The following NAPRT variants were observed in gnomAD, a reference collection of about 807,000 sequenced individuals.
NAPRT encodes FHA-HIT-interacting protein.
Under a neutral mutation model 60.7 loss-of-function variants are expected in NAPRT, and 66 were observed. The observed-to-expected ratio is 1.09, with a 90% CI of 0.89 to 1.33. The LOEUF (loss-of-function observed/expected upper bound fraction) is 1.33, where lower values mean the gene tolerates loss of function less well. Ranked by LOEUF, NAPRT falls within the 40% of genes most tolerant of loss-of-function variation. The pLI is 0.00. For missense variants in NAPRT, 818 were observed against 731.5 expected (o/e 1.12, Z -1.36); for synonymous variants, 405 against 335.7 (o/e 1.21, Z -2.26).
chr8:143,576,315 G>A, intron 7 of NAPRT, 117 bp downstream of exon 7: 1 of 1,444,592 alleles, frequency 6.9e-7, no homozygotes, highest in African/African-American at 1.4e-5. Context: ...TTACTTCCCT[G>A]CCACGGCCTG....
chr8:143,577,474 C>T, intron 3 of NAPRT, 75 bp from the exon 4 acceptor site: 1 of 1,514,490 alleles, frequency 6.6e-7, no homozygotes, highest in Non-Finnish European at 8.9e-7. Context: ...TACCTGGGGC[C>T]TGGAACTTCC....
rs1276757993 is a variant in NAPRT, at chr8:143,577,251, C to A, written c.568+18G>T. 1.2e-6 allele frequency: 2 copies of A among 1,607,930 alleles called. No homozygotes were observed. The highest frequency in any genetic ancestry group is 1.7e-5 in the Admixed American group (1 of 59,696). Reference sequence around the variant, plus strand: ...TCCTCCTTCCCGGCCCTTGCCTTGCCCCGCACCAGACACTCACCGCCCAGG... The same window carrying A: ...TCCTCCTTCCCGGCCCTTGCCTTGCACCGCACCAGACACTCACCGCCCAGG... On this transcript the variant is annotated intron_variant, in intron 4 of 12. Coordinates refer to ENST00000449291, the MANE Select transcript of NAPRT (RefSeq NM_145201.6).
rs1291114278 is a variant in NAPRT at position 143,576,498 on chromosome 8, A to G, written c.956T>C (p.Leu319Pro). The G allele has an allele frequency of 6.2e-7, 1 of 1,612,590 alleles. No individual in the cohort carries two copies. The highest frequency in any genetic ancestry group is 8.5e-7 in the Non-Finnish European group (1 of 1,179,784). Residue 319 changes from leucine (L) to proline (P), a missense_variant, in exon 7 of 13, where the codon CTG (leucine) becomes CCG (proline). Transcript: ENST00000449291. ...CTGCTGTAGCAGGTCACCACTGTCCAGCCTCACGCCCACTGCCCGGTAGCC... is the reference window on the plus strand; with the variant it reads ...CTGCTGTAGCAGGTCACCACTGTCCGGCCTCACGCCCACTGCCCGGTAGCC... The part of the protein sequence containing the change: ...ELGYRAVGVR[L>P]DSGDLLQQAQ...
chr8:143,573,237 C>T (rs772772167), downstream of NAPRT, among the ~76,000 whole-genome samples: 8 of 152,130 alleles, frequency 5.3e-5, no homozygotes, highest in South Asian at 4.1e-4. Flanking sequence ...CTCTGTCAGA[C>T]ACCTTGCAAC....
rs752827100 is a variant in NAPRT, at chr8:143,578,115, G to A, written c.204C>T (p.Arg68=). ...TACCGGCGTCCCGCAGGCGGAAGGC[G>A]CGCAGGAAGCGCACACAGTCGCGCA... The part of the protein sequence containing the change: ...AGLRDCVRFL[R]AFRLRDADVQ... The change falls in exon 1 of 13, where the codon CGC becomes CGT. Residue 68 remains arginine (R), a synonymous_variant. Transcript: ENST00000449291. 3.9e-6 allele frequency: 6 copies of A among 1,521,868 alleles called. No individual in the cohort carries two copies. The highest frequency in any genetic ancestry group is 4.4e-6 in the Non-Finnish European group (5 of 1,141,568). 94.3% of individuals were successfully genotyped at this position (1,521,868 alleles called of 1,614,324 possible).
Position 143,576,155 on chromosome 8 carries a change from C to G in NAPRT, c.1030G>C (p.Val344Leu), listed in dbSNP as rs760433426. The G allele has an allele frequency of 6.3e-7, 1 of 1,597,506 alleles. No homozygotes were observed. The highest frequency in any genetic ancestry group is 8.5e-7 in the Non-Finnish European group (1 of 1,169,882). The change falls in exon 8 of 13, where the codon GTG becomes CTG. Residue 344 changes from valine to leucine, a missense_variant. By Grantham distance (32) the Val-to-Leu change is conservative (BLOSUM62 1). Coordinates refer to ENST00000449291, the MANE Select transcript of NAPRT (RefSeq NM_145201.6). Reference protein sequence around the residue: ...VFRAAAAQFQVPWLESVLIVV... With the variant: ...VFRAAAAQFQLPWLESVLIVV... Reference sequence around the variant, plus strand: ...ATGAGGACTGACTCCAGCCAGGGCACCTGGAACCTGCCGCGTGGGTGGAGA... The same window carrying G: ...ATGAGGACTGACTCCAGCCAGGGCAGCTGGAACCTGCCGCGTGGGTGGAGA...
rs373234505 is a variant in NAPRT at position 143,575,799 on chromosome 8, TGGG to T, written c.1108-100_1108-98del. 4.7e-3 allele frequency: 1,207 copies of T among 255,870 alleles called. 53 individuals carry two copies. Among genetic ancestry groups the T allele is most frequent in the South Asian group, 0.02 (453 of 22,984 alleles). 15.8% of individuals were successfully genotyped at this position (255,870 alleles called of 1,614,324 possible). A position where few individuals can be genotyped will look rare whatever the true frequency, so the allele number is the denominator to read the frequency against. The stretch of plus-strand genomic sequence containing the variant: ...GGGAAGGAGGTGGCACTGCCCTGGG[TGGG>T]GAAGGGGGTGGCAGTGCCCTGGGTG... On this transcript the variant is annotated intron_variant, in intron 8 of 12. Coordinates refer to ENST00000449291, the MANE Select transcript of NAPRT (RefSeq NM_145201.6).
chr8:143,575,677 A>T lies in NAPRT; in HGVS notation c.1133T>A (p.Ile378Asn). ...GGGGCAGGTGACCACACTGGTGCCA[A>T]TGCCAATGACATTCACCTCACTGCC... is the stretch of plus-strand genomic sequence containing the variant. ...QEGSEVNVIG[I>N]GTSVVTCPQQ... The change falls in exon 9 of 13, where the codon ATT (isoleucine) becomes AAT (asparagine). Residue 378 changes from isoleucine to asparagine, a missense_variant. Transcript: ENST00000449291. 1 of 1,593,000 alleles carries T rather than the reference A, an allele frequency of 6.3e-7. No individual in the cohort carries two copies. Among genetic ancestry groups the T allele is most frequent in the Non-Finnish European group, 8.5e-7 (1 of 1,170,744 alleles).
In NAPRT at chr8:143,575,700, G is replaced by A; in HGVS notation, c.1110C>T (p.Gly370=). 1 of 1,576,574 alleles carries A rather than the reference G, an allele frequency of 6.3e-7. No individual in the cohort carries two copies. The highest frequency in any genetic ancestry group is 8.6e-7 in the Non-Finnish European group (1 of 1,161,772). ...CAATGCCAATGACATTCACCTCACTGCCCTGGGTGGGGAAGGGGGTGGCCG... is the reference window on the plus strand; with the variant it reads ...CAATGCCAATGACATTCACCTCACTACCCTGGGTGGGGAAGGGGGTGGCCG... The part of the protein sequence containing the change: ...EEALARLAQE[G]SEVNVIGIGT... Residue 370 remains glycine (G), a splice_region_variant and synonymous_variant, in exon 9 of 13, where the codon GGC becomes GGT. Coordinates refer to ENST00000449291, the MANE Select transcript of NAPRT (RefSeq NM_145201.6).
intron 1 of NAPRT, 39 bp downstream of exon 1, chr8:143,578,054 G>A (rs1824631161): frequency 1.3e-6 from 2 of 1,490,956 alleles, no homozygotes; most frequent in South Asian, 1.3e-5. Context: ...GGGGGTTTCT[G>A]CCGGGCGTGG....
rs764965103 is a variant in NAPRT, at chr8:143,574,850, C to A, written c.1605G>T (p.Gly535=). ...CCCGCTCCGAGTCTCAGGGGGACTG[C>A]CCCGCACACAGACTGTTCACCAGGG... The part of the protein sequence containing the change: ...LQALVNSLCA[G]QSP Residue 535 remains glycine (G), a synonymous_variant, in exon 13 of 13, where the codon GGG becomes GGT. Transcript: ENST00000449291. 8 of 1,550,666 alleles carry A rather than the reference C, an allele frequency of 5.2e-6. No homozygotes were observed. Among genetic ancestry groups the A allele is most frequent in the Middle Eastern group, 1.7e-4 (1 of 5,992 alleles).
At chr8:143,574,707 G>T (rs571457527), downstream of NAPRT, 1 of 1,106,564 alleles carries the variant, frequency 9.0e-7, no homozygotes, top group South Asian at 1.4e-5. Flanking sequence ...TCAGATTCCC[G>T]ACTCCAGCCC....
chr8:143,578,061 G>A (rs1824633167), intron 1 of NAPRT, 32 bp downstream of exon 1: 1 of 1,498,354 alleles, frequency 6.7e-7, no homozygotes, highest in South Asian at 1.3e-5. Flanking sequence ...TCTGCCGGGC[G>A]TGGGGGGCTC....
chr8:143,575,144 G>C, intron 11 of NAPRT, 47 bp downstream of exon 11: 1 of 1,577,792 alleles, frequency 6.3e-7, no homozygotes, highest in Non-Finnish European at 8.6e-7. Flanking sequence ...TCCCAGTCAG[G>C]GCTCTACCGG....
In NAPRT at chr8:143,576,760, T is replaced by G; in HGVS notation, c.767A>C (p.His256Pro). Reference sequence around the variant, plus strand: ...CGGCTCCTGCACCCCCAGCCCCAGGTGGGCACACACCTGCTCCAGCCACAC... The same window carrying G: ...CGGCTCCTGCACCCCCAGCCCCAGGGGGGCACACACCTGCTCCAGCCACAC... ...AQVWLEQVCA[H>P]LGLGVQEPHP... The change falls in exon 6 of 13, where the codon CAC becomes CCC. Residue 256 changes from histidine (H) to proline (P), a missense_variant. Coordinates refer to ENST00000449291, the MANE Select transcript of NAPRT (RefSeq NM_145201.6). 3.7e-6 allele frequency: 6 copies of G among 1,607,202 alleles called. No homozygotes were observed. The highest frequency in any genetic ancestry group is 5.1e-6 in the Non-Finnish European group (6 of 1,178,526).
In NAPRT at chr8:143,575,704, T is replaced by A. The variant is rs1232858864; in HGVS notation, c.1108-2A>T. On this transcript the variant is annotated splice_acceptor_variant, in intron 8 of 12. Transcript: ENST00000449291. LOFTEE classifies it high-confidence loss of function. ...GCCAATGACATTCACCTCACTGCCC[T>A]GGGTGGGGAAGGGGGTGGCCGTGAG... is the stretch of plus-strand genomic sequence containing the variant. 1.3e-6 allele frequency: 2 copies of A among 1,543,218 alleles called. No homozygotes were observed. Among genetic ancestry groups the A allele is most frequent in the African/African-American group, 2.7e-5 (2 of 72,826 alleles).
In NAPRT at chr8:143,576,762, G is replaced by A. The variant is rs1161859696; in HGVS notation, c.765C>T (p.Ala255=). 1 of 1,607,932 alleles carries A rather than the reference G, an allele frequency of 6.2e-7. No individual in the cohort carries two copies. The highest frequency in any genetic ancestry group is 2.2e-5 in the East Asian group (1 of 44,700). Residue 255 remains alanine (A), a synonymous_variant, in exon 6 of 13, where the codon GCC becomes GCT. Coordinates refer to ENST00000449291, the MANE Select transcript of NAPRT (RefSeq NM_145201.6). The stretch of plus-strand genomic sequence containing the variant: ...GCTCCTGCACCCCCAGCCCCAGGTG[G>A]GCACACACCTGCTCCAGCCACACCT... ...KAQVWLEQVC[A]HLGLGVQEPH... is the part of the protein sequence containing the mutation.
chr8:143,577,220 T>C (rs778821817), intron 4 of NAPRT, 43 bp from the exon 5 acceptor site: 3 of 1,605,094 alleles, frequency 1.9e-6, no homozygotes, highest in Non-Finnish European at 1.7e-6. Flanking sequence ...CGGGCCAAGA[T>C]GGGGCTCCTC....
Position 143,577,662 on chromosome 8 carries a change from G to A in NAPRT, c.432C>T (p.Tyr144=), listed in dbSNP as rs1462219285. ...LETPLLCLVS[Y]ASLVATNAAR... ...GCCAGTGGCCCGCAGCCCACCTGGC[G>A]TAGCTGACCAGGCAGAGCAGCGGTG... The change falls in exon 3 of 13, where the codon TAC becomes TAT. Residue 144 remains tyrosine (Y), a synonymous_variant. Coordinates refer to ENST00000449291, the MANE Select transcript of NAPRT (RefSeq NM_145201.6). The A allele has an allele frequency of 1.2e-5, 19 of 1,538,230 alleles. No individual in the cohort carries two copies. The highest frequency in any genetic ancestry group is 1.6e-5 in the Non-Finnish European group (18 of 1,146,684).
Sources: gnomAD v4.1 joint callset for allele counts (sites outside exome capture counted in the v4.1 genomes callset) on GRCh38, gnomAD v4.1.1 for gene constraint, MANE v1.5 for transcripts, NCBI Gene and HGNC (gene_info 2026-07-23, HGNC 2026-07-21) for gene names.